PRKCA: variants seen among roughly 807,000 people sequenced by gnomAD.
The protein encoded by PRKCA is protein kinase C alpha.
Under a neutral mutation model 87.0 loss-of-function variants are expected in PRKCA, and 27 were observed. That is an observed-to-expected ratio of 0.31 (90% confidence interval 0.23 to 0.43). PRKCA has a LOEUF of 0.43. Among genes scored for constraint, PRKCA ranks in the 20% least tolerant of loss-of-function variants. The probability of loss-of-function intolerance (pLI) is 1.00; values close to 1 mark genes in which losing one functional copy is unlikely to be tolerated. For missense variants in PRKCA, 518 were observed against 852.3 expected (o/e 0.61, Z 4.88); for synonymous variants, 329 against 311.1 (o/e 1.06, Z -0.61).
chr17:66,694,767 TAAAAAAAAAAAAAAA>T (rs746908582), intron 8 of PRKCA, among the ~76,000 whole-genome samples: 17 of 117,524 alleles, frequency 1.4e-4, no homozygotes, highest in African/African-American at 4.5e-4. Flanking sequence ...TTCCAATGGT[TAAAAAAAAAAAAAAA>T]AAAAAAAAAG....
intron 3 of PRKCA, among the ~76,000 whole-genome samples, chr17:66,530,266 G>A (rs1055445475): frequency 2.0e-5 from 3 of 152,146 alleles, no homozygotes; most frequent in African/African-American, 7.2e-5. Context: ...ATAAACACAT[G>A]AATGTATTTT....
intron 3 of PRKCA, among the ~76,000 whole-genome samples, chr17:66,561,223 T>C (rs1351449610): frequency 6.6e-6 from 1 of 152,186 alleles, no homozygotes; most frequent in Non-Finnish European, 1.5e-5. Flanking sequence ...TTTAATTCAG[T>C]CAAAATTAAT....
chr17:66,386,907 C>G (rs1194959687), intron 2 of PRKCA, among the ~76,000 whole-genome samples: 1 of 151,986 alleles, frequency 6.6e-6, no homozygotes, highest in Non-Finnish European at 1.5e-5. Flanking sequence ...TTATGAAATA[C>G]TGGTGTGATA....
intron 2 of PRKCA, among the ~76,000 whole-genome samples, chr17:66,327,703 T>C (rs754620910): frequency 2.0e-5 from 3 of 152,212 alleles, no homozygotes; most frequent in Non-Finnish European, 2.9e-5. Context: ...TCTCATCTTT[T>C]TGAAATTTGT....
intron 13 of PRKCA, among the ~76,000 whole-genome samples, chr17:66,749,866 G>A (rs2144260336): frequency 6.6e-6 from 1 of 152,160 alleles, no homozygotes; most frequent in East Asian, 1.9e-4. Flanking sequence ...ATGTGACAGT[G>A]CAGAGAAGGG....
chr17:66,744,633 C>CT (rs1396124991), intron 13 of PRKCA, among the ~76,000 whole-genome samples: 1 of 152,150 alleles, frequency 6.6e-6, no homozygotes, highest in African/African-American at 2.4e-5. Context: ...AGTGTCTTGT[C>CT]TTTTTTTGTT....
intron 8 of PRKCA, among the ~76,000 whole-genome samples, chr17:66,721,710 G>A (rs991477503): frequency 4.6e-5 from 7 of 152,114 alleles, no homozygotes; most frequent in Admixed American, 2.0e-4. Context: ...CGCTTTCCTC[G>A]CCATCTTGAT....
In PRKCA at chr17:66,517,370, C is replaced by T. The variant is rs1021242227; in HGVS notation, c.288+21087C>T. 2.6e-5 allele frequency among the ~76,000 whole-genome samples: 4 copies of T among 152,180 alleles called. No homozygotes were observed. The South Asian group carries it at 6.2e-4, about 24-fold the overall frequency. On this transcript the variant is annotated intron_variant, in intron 3 of 16. Transcript: ENST00000413366. ...CAATGGACTCCTTTCTTCCCCTCCT[C>T]GCCCCCAATTCAGTTGTTTCTCTTC... is the stretch of plus-strand genomic sequence containing the variant.
At chr17:66,364,992 T>C (rs919435417) in intron 2 of PRKCA, among the ~76,000 whole-genome samples, 2 of 152,200 alleles carry the variant, frequency 1.3e-5, no homozygotes, top group Non-Finnish European at 2.9e-5. Flanking sequence ...GTTTCCATTG[T>C]ATGTGTTTAA....
chr17:66,535,749 C>T (rs544806783), intron 3 of PRKCA, among the ~76,000 whole-genome samples: 5 of 152,320 alleles, frequency 3.3e-5, no homozygotes, highest in African/African-American at 1.2e-4. Context: ...AAGATTTAAA[C>T]AATTATAGGA....
At chr17:66,520,623 C>A (rs555473948) in intron 3 of PRKCA, among the ~76,000 whole-genome samples, 1 of 152,242 alleles carries the variant, frequency 6.6e-6, no homozygotes, top group South Asian at 2.1e-4. Context: ...TTAAGTTCAA[C>A]TTATCAAAGG....
At chr17:66,628,323 A>G (rs1233933654) in intron 3 of PRKCA, among the ~76,000 whole-genome samples, 1 of 152,156 alleles carries the variant, frequency 6.6e-6, no homozygotes, top group Non-Finnish European at 1.5e-5. Context: ...ACAGTGAAAA[A>G]CAAAATCACC....
chr17:66,409,756 C>T (rs865826956), intron 2 of PRKCA, among the ~76,000 whole-genome samples: 41 of 152,190 alleles, frequency 2.7e-4, no homozygotes, highest in African/African-American at 7.9e-4. Flanking sequence ...GGTGAAACCC[C>T]GTCTCCACTA....
intron 3 of PRKCA, among the ~76,000 whole-genome samples, chr17:66,520,763 C>G (rs983998804): frequency 6.6e-6 from 1 of 152,112 alleles, no homozygotes; most frequent in Non-Finnish European, 1.5e-5. Context: ...CATTCCTATT[C>G]CAATGTGACT....
chr17:66,401,107 A>T (rs2143686735), intron 2 of PRKCA, among the ~76,000 whole-genome samples: 2 of 152,354 alleles, frequency 1.3e-5, no homozygotes, highest in Admixed American at 1.3e-4. Context: ...TAACCAGAAC[A>T]CAGTTCCCGC....
intron 2 of PRKCA, among the ~76,000 whole-genome samples, chr17:66,332,259 A>T (rs1906375476): frequency 8.2e-6 from 1 of 121,712 alleles, no homozygotes; most frequent in Non-Finnish European, 1.6e-5. Flanking sequence ...ACAGAGTCTT[A>T]CTCTGTTGCC....
chr17:66,562,145 AT>A lies in PRKCA; in HGVS notation c.288+65863del, dbSNP rs1490628694. Among the ~76,000 whole-genome samples the A allele has an allele frequency of 7.7e-3, 663 of 86,390 alleles. 54 individuals carry two copies. Among genetic ancestry groups the A allele is most frequent in the African/African-American group, 0.024 (464 of 19,146 alleles). 56.7% of individuals were successfully genotyped at this position (86,390 alleles called of 152,430 possible). On this transcript the variant is annotated intron_variant, in intron 3 of 16. Transcript: ENST00000413366. ...AAATATATATAATTAAATTATATAT[AT>A]AATTAAATTATATATATAATTAAAT...
At chr17:66,537,904 T>G (rs1421825620) in intron 3 of PRKCA, among the ~76,000 whole-genome samples, 2 of 152,072 alleles carry the variant, frequency 1.3e-5, no homozygotes, top group Non-Finnish European at 2.9e-5. Context: ...CTCCTGGGTT[T>G]AAGGGGTTCT....
intron 3 of PRKCA, among the ~76,000 whole-genome samples, chr17:66,550,827 G>A (rs1234349525): frequency 6.6e-6 from 1 of 152,210 alleles, no homozygotes; most frequent in African/African-American, 2.4e-5. Context: ...CGTCTTTCTT[G>A]CAAAGAGCTT....
Sources: gnomAD v4.1 joint callset for allele counts (sites outside exome capture counted in the v4.1 genomes callset) on GRCh38, gnomAD v4.1.1 for gene constraint, MANE v1.5 for transcripts, NCBI Gene and HGNC (gene_info 2026-07-23, HGNC 2026-07-21) for gene names.